The following HIP1 variants were observed in gnomAD, a reference collection of about 807,000 sequenced individuals.
The protein encoded by HIP1 is huntingtin-interacting protein 1.
In HIP1, 65 loss-of-function variants were observed where a neutral mutation model predicts 147.6. The ratio of observed to expected loss-of-function variants is 0.44; its 90% confidence interval spans 0.36 to 0.54. HIP1 has a LOEUF of 0.54. Ranked by LOEUF, HIP1 falls within the 20% of genes least tolerant of loss-of-function variation. The probability of loss-of-function intolerance (pLI) is 0.00; values close to 1 mark genes in which losing one functional copy is unlikely to be tolerated. For synonymous variants in HIP1, 479 were observed against 504.0 expected (o/e 0.95, Z 0.67); for missense variants, 1,061 against 1,299.6 (o/e 0.82, Z 2.82).
intron 1 of HIP1, among the ~76,000 whole-genome samples, chr7:75,731,158 T>G (rs1482497235): frequency 2.0e-5 from 3 of 151,464 alleles, no homozygotes; most frequent in African/African-American, 7.3e-5. Context: ...AGGAGCAAGG[T>G]TGGGGAGATA....
At position 75,534,442 on chromosome 7, in the gene HIP1, T is replaced by G. The variant is rs1177319231; in HGVS notation, c.*3730A>C. The G allele has an allele frequency of 1.3e-4, 24 of 182,692 alleles. No homozygotes were observed. In the Admixed American group the frequency reaches 1.5e-3, roughly 11 times the overall value. The allele number at this position is 182,692 out of a possible 1,614,324, so 11.3% of individuals were successfully genotyped here. A position where few individuals can be genotyped will look rare whatever the true frequency, so the allele number is the denominator to read the frequency against. On this transcript the variant is annotated 3_prime_UTR_variant, in exon 31 of 31. Coordinates refer to ENST00000336926, the MANE Select transcript of HIP1 (RefSeq NM_005338.7). ...CTATTTCTTTCTCTCTCTCTCTCTT[T>G]TTTTTTTTTGAGATGGAGTCTCACT...
chr7:75,607,073 AT>A lies in HIP1; in HGVS notation c.121-7827del, dbSNP rs1334632183. On this transcript the variant is annotated intron_variant, in intron 1 of 30. Coordinates refer to ENST00000336926, the MANE Select transcript of HIP1 (RefSeq NM_005338.7). ...AGCGAGACCCCATCTCTAAAAAAAAATTTTTTTTTAAATAGCCAGGTGTGGT... is the reference window on the plus strand; with the variant it reads ...AGCGAGACCCCATCTCTAAAAAAAAATTTTTTTTAAATAGCCAGGTGTGGT... Among the ~76,000 whole-genome samples, 8 of 150,996 alleles carry A rather than the reference AT, an allele frequency of 5.3e-5. No individual in the cohort carries two copies. In the East Asian group the frequency reaches 9.8e-4, roughly 18 times the overall value.
chr7:75,624,396 C>G (rs1797959344), intron 1 of HIP1, among the ~76,000 whole-genome samples: 1 of 152,212 alleles, frequency 6.6e-6, no homozygotes, highest in Admixed American at 6.5e-5. Flanking sequence ...TCTACTTCTT[C>G]TGTCTTTGGG....
At chr7:75,672,750 C>T (rs1242542271) in intron 1 of HIP1, among the ~76,000 whole-genome samples, 1 of 152,180 alleles carries the variant, frequency 6.6e-6, no homozygotes, top group African/African-American at 2.4e-5. Context: ...ATTGCTTAAT[C>T]CAAGCTCATA....
At chr7:75,576,065 C>T (rs908296114) in intron 7 of HIP1, among the ~76,000 whole-genome samples, 3 of 152,198 alleles carry the variant, frequency 2.0e-5, no homozygotes, top group Non-Finnish European at 4.4e-5. Flanking sequence ...GTTCCATTTC[C>T]CTGCCTGGCC....
At chr7:75,692,394 G>T (rs1205031385) in intron 1 of HIP1, among the ~76,000 whole-genome samples, 1 of 151,074 alleles carries the variant, frequency 6.6e-6, no homozygotes, top group Non-Finnish European at 1.5e-5. Context: ...CAAGCAGCTG[G>T]GACTACAGGC....
chr7:75,691,917 T>C (rs964651188), intron 1 of HIP1, among the ~76,000 whole-genome samples: 5 of 151,904 alleles, frequency 3.3e-5, no homozygotes, highest in South Asian at 2.1e-4. Flanking sequence ...ATGGGCACTA[T>C]GGTTTCTTTG....
At chr7:75,539,614 C>T (rs1233691275) in intron 29 of HIP1, among the ~76,000 whole-genome samples, 183 bp from the exon 30 acceptor site, 1 of 152,114 alleles carries the variant, frequency 6.6e-6, no homozygotes, top group African/African-American at 2.4e-5. Flanking sequence ...AACACCATGC[C>T]CAGCCTACAT....
intron 1 of HIP1, among the ~76,000 whole-genome samples, chr7:75,634,941 GAAAAAA>G (rs58461422): frequency 0.15 from 9,643 of 62,462 alleles, 499 homozygotes; most frequent in African/African-American, 0.28. Flanking sequence ...CACTATCTCT[GAAAAAA>G]AAAAAAAAAA....
chr7:75,614,482 T>C (rs1173351825), intron 1 of HIP1, among the ~76,000 whole-genome samples: 3 of 151,822 alleles, frequency 2.0e-5, no homozygotes, highest in East Asian at 1.9e-4. Flanking sequence ...ACACAATGTG[T>C]GATTCTATTT....
chr7:75,595,044 C>T (rs1796636693), intron 2 of HIP1, among the ~76,000 whole-genome samples: 1 of 152,144 alleles, frequency 6.6e-6, no homozygotes, highest in Non-Finnish European at 1.5e-5. Flanking sequence ...AACTAAATGA[C>T]TCACCCAGAG....
chr7:75,713,559 T>C (rs1801221412), intron 1 of HIP1, among the ~76,000 whole-genome samples: 1 of 152,160 alleles, frequency 6.6e-6, no homozygotes, highest in Non-Finnish European at 1.5e-5. Flanking sequence ...CAACGCGGGC[T>C]ATTCCAGCTT....
At chr7:75,727,089 AT>A (rs536980859) in intron 1 of HIP1, among the ~76,000 whole-genome samples, 2 of 150,712 alleles carry the variant, frequency 1.3e-5, no homozygotes, top group East Asian at 2.0e-4. Context: ...TCTCCTGCTT[AT>A]TTTTTTTTAA....
rs112495808 is a variant in HIP1, at chr7:75,623,386, G to A, written c.121-24139C>T. Among the ~76,000 whole-genome samples the A allele has an allele frequency of 9.8e-3, 1,485 of 152,222 alleles. 16 individuals carry two copies. The highest frequency in any genetic ancestry group is 0.034 in the African/African-American group (1,415 of 41,534). On this transcript the variant is annotated intron_variant, in intron 1 of 30. Coordinates refer to ENST00000336926, the MANE Select transcript of HIP1 (RefSeq NM_005338.7). The stretch of plus-strand genomic sequence containing the variant: ...CAAGGTTTTCTTGTTTCCAGTGGGA[G>A]ACATAATAATGCATTTGCATGCGCA...
chr7:75,734,194 C>T (rs917751204), intron 1 of HIP1, among the ~76,000 whole-genome samples: 1 of 151,754 alleles, frequency 6.6e-6, no homozygotes, highest in African/African-American at 2.4e-5. Flanking sequence ...TGTAGTGAAC[C>T]GAGATGGCGC....
At chr7:75,669,373 A>G (rs1799667839) in intron 1 of HIP1, among the ~76,000 whole-genome samples, 1 of 151,760 alleles carries the variant, frequency 6.6e-6, no homozygotes, top group South Asian at 2.1e-4. Context: ...ACTCCATCTC[A>G]AAAAAACAAA....
rs552211277 is a variant in HIP1, at chr7:75,664,191, T to C, written c.121-64944A>G. ...ACATACATATATGTACATACATATATACACACATATACATATGTATATATA... is the reference window on the plus strand; with the variant it reads ...ACATACATATATGTACATACATATACACACACATATACATATGTATATATA... On this transcript the variant is annotated intron_variant, in intron 1 of 30. Transcript: ENST00000336926. Among the ~76,000 whole-genome samples the C allele has an allele frequency of 2.7e-3, 296 of 109,956 alleles. 2 individuals carry two copies. The highest frequency in any genetic ancestry group is 5.7e-3 in the Middle Eastern group (1 of 176). The allele number at this position is 109,956 out of a possible 152,430, so 72.1% of individuals were successfully genotyped here. A position where few individuals can be genotyped will look rare whatever the true frequency, so the allele number is the denominator to read the frequency against.
intron 1 of HIP1, among the ~76,000 whole-genome samples, chr7:75,693,279 C>A (rs1171328413): frequency 6.6e-6 from 1 of 151,990 alleles, no homozygotes; most frequent in East Asian, 1.9e-4. Context: ...GGAGTAACTC[C>A]TTTGTTGTTT....
At chr7:75,714,053 T>C (rs555679011) in intron 1 of HIP1, among the ~76,000 whole-genome samples, 92 of 151,954 alleles carry the variant, frequency 6.1e-4, no homozygotes, top group Non-Finnish European at 1.1e-3. Context: ...TTTTTCTTTT[T>C]GTTTGAGATG....
Sources: gnomAD v4.1 joint callset for allele counts (sites outside exome capture counted in the v4.1 genomes callset) on GRCh38, gnomAD v4.1.1 for gene constraint, MANE v1.5 for transcripts, NCBI Gene and HGNC (gene_info 2026-07-23, HGNC 2026-07-21) for gene names.